Variants in NEO1 observed in about 807,000 individuals in gnomAD.
The protein encoded by NEO1 is neogenin 1.
NEO1 carries 63 observed loss-of-function variants against 159.7 expected under a neutral mutation model. That is an observed-to-expected ratio of 0.39 (90% confidence interval 0.32 to 0.49). The LOEUF (loss-of-function observed/expected upper bound fraction) is 0.49. Ranked by LOEUF, NEO1 falls within the 20% of genes least tolerant of loss-of-function variation. NEO1 has a pLI of 0.85. For synonymous variants in NEO1, 633 were observed against 662.0 expected (o/e 0.96, Z 0.67); for missense variants, 1,615 against 1,831.0 (o/e 0.88, Z 2.15).
chr15:73,288,607 A>G (rs1813115032), intron 24 of NEO1, 56 bp downstream of exon 24: 1 of 1,497,250 alleles, frequency 6.7e-7, no homozygotes, highest in Non-Finnish European at 9.2e-7. Flanking sequence ...TTTCATTTAA[A>G]TCTTTTTTTT....
At chr15:73,173,028 G>A (rs183031319) in intron 5 of NEO1, among the ~76,000 whole-genome samples, 1 of 152,292 alleles carries the variant, frequency 6.6e-6, no homozygotes, top group Non-Finnish European at 1.5e-5. Flanking sequence ...TTGATCTGTA[G>A]AGTAGAAGCT....
chr15:73,068,981 G>A (rs1172595707), intron 1 of NEO1, among the ~76,000 whole-genome samples: 1 of 148,530 alleles, frequency 6.7e-6, no homozygotes, highest in African/African-American at 2.5e-5. Flanking sequence ...TGGAGACAGG[G>A]TCTCACTCTC....
At chr15:73,055,132 T>C (rs2067638248) in intron 1 of NEO1, among the ~76,000 whole-genome samples, 2 of 152,002 alleles carry the variant, frequency 1.3e-5, no homozygotes, top group African/African-American at 4.8e-5. Context: ...TGGAATTGAG[T>C]AGGAACATAA....
intron 15 of NEO1, among the ~76,000 whole-genome samples, chr15:73,264,162 G>T (rs560624170): frequency 2.0e-5 from 3 of 152,056 alleles, no homozygotes; most frequent in Non-Finnish European, 2.9e-5. Flanking sequence ...ACTCCAGCTG[G>T]GTGACAGAGC....
intron 2 of NEO1, among the ~76,000 whole-genome samples, chr15:73,117,852 T>C (rs553804390): frequency 6.6e-6 from 1 of 152,096 alleles, no homozygotes; most frequent in East Asian, 1.9e-4. Flanking sequence ...CAATTTCCCT[T>C]TTCTTTCCTT....
intron 1 of NEO1, among the ~76,000 whole-genome samples, chr15:73,084,132 T>G (rs1037810288): frequency 1.1e-4 from 17 of 152,082 alleles, no homozygotes; most frequent in African/African-American, 4.1e-4. Flanking sequence ...TGAGAATGGT[T>G]AAAATCTACC....
At chr15:73,167,309 A>G (rs1049002474) in intron 5 of NEO1, among the ~76,000 whole-genome samples, 24 of 132,502 alleles carry the variant, frequency 1.8e-4, no homozygotes, top group Admixed American at 1.8e-3. Flanking sequence ...TTTAGTTTCT[A>G]TAGGGAACCA....
chr15:73,131,729 T>A (rs905406936), intron 4 of NEO1, among the ~76,000 whole-genome samples: 2 of 152,192 alleles, frequency 1.3e-5, no homozygotes, highest in Non-Finnish European at 2.9e-5. Context: ...TACCCACTTT[T>A]AAAAATGTTT....
chr15:73,114,888 T>A (rs2071215984), intron 1 of NEO1, among the ~76,000 whole-genome samples: 1 of 152,222 alleles, frequency 6.6e-6, no homozygotes, highest in Non-Finnish European at 1.5e-5. Context: ...TTTATGTGTT[T>A]ATTCTACTAT....
chr15:73,165,834 T>C (rs1174977264), intron 5 of NEO1, among the ~76,000 whole-genome samples: 1 of 152,212 alleles, frequency 6.6e-6, no homozygotes, highest in Non-Finnish European at 1.5e-5. Flanking sequence ...AAGGTGAGAA[T>C]TTCTGATAGC....
chr15:73,114,674 G>A (rs372142671), intron 1 of NEO1, among the ~76,000 whole-genome samples: 5 of 152,074 alleles, frequency 3.3e-5, no homozygotes, highest in East Asian at 3.9e-4. Flanking sequence ...CAAAAATTGT[G>A]TTGTAATTTT....
chr15:73,234,769 C>G (rs976958422), intron 7 of NEO1, among the ~76,000 whole-genome samples: 49 of 152,196 alleles, frequency 3.2e-4, no homozygotes, highest in African/African-American at 1.1e-3. Flanking sequence ...GAACAAGGCT[C>G]TCTTTTGTGA....
At chr15:73,288,255 T>A in intron 23 of NEO1, 58 bp from the exon 24 acceptor site, 16 of 1,530,164 alleles carry the variant, frequency 1.0e-5, no homozygotes, top group Non-Finnish European at 1.4e-5. Flanking sequence ...CTCAAGCCTT[T>A]TGACAAATAC....
chr15:73,149,861 G>T (rs1040832541), intron 5 of NEO1, among the ~76,000 whole-genome samples: 5 of 152,020 alleles, frequency 3.3e-5, no homozygotes, highest in African/African-American at 1.2e-4. Context: ...CCTTTTGTTG[G>T]GAACATTTCA....
chr15:73,203,339 T>C (rs970492030), intron 7 of NEO1, among the ~76,000 whole-genome samples: 1 of 152,156 alleles, frequency 6.6e-6, no homozygotes, highest in Non-Finnish European at 1.5e-5. Flanking sequence ...TCCCTTTACT[T>C]TTACTCTGAA....
intron 5 of NEO1, among the ~76,000 whole-genome samples, chr15:73,149,371 T>C (rs879108426): frequency 2.0e-5 from 3 of 151,740 alleles, no homozygotes; most frequent in Non-Finnish European, 4.4e-5. Flanking sequence ...AAGATACTTT[T>C]CAAACACTAT....
At chr15:73,097,454 A>C (rs542578578) in intron 1 of NEO1, among the ~76,000 whole-genome samples, 1 of 139,776 alleles carries the variant, frequency 7.2e-6, no homozygotes, top group East Asian at 2.2e-4. Context: ...TCTGCCTCCC[A>C]GGTTCAAGCG....
At chr15:73,142,020 G>A (rs1031322446) in intron 5 of NEO1, among the ~76,000 whole-genome samples, 1 of 152,136 alleles carries the variant, frequency 6.6e-6, no homozygotes, top group African/African-American at 2.4e-5. Flanking sequence ...TGTGAACTTG[G>A]CCAAGTTAAT....
intron 7 of NEO1, among the ~76,000 whole-genome samples, chr15:73,203,066 A>C (rs1409059600): frequency 6.6e-6 from 1 of 152,188 alleles, no homozygotes; most frequent in Non-Finnish European, 1.5e-5. Context: ...AGATATTCTG[A>C]ATATGGATGT....
Sources: allele counts gnomAD v4.1 joint callset (sites outside exome capture counted in the v4.1 genomes callset), GRCh38; gene constraint gnomAD v4.1.1; transcripts MANE v1.5; gene names NCBI Gene and HGNC (gene_info 2026-07-23, HGNC 2026-07-21).